The following DPP10 variants were observed in gnomAD, a reference collection of about 807,000 sequenced individuals.
The protein encoded by DPP10 is inactive dipeptidyl peptidase 10.
Under a neutral mutation model 120.9 loss-of-function variants are expected in DPP10, and 33 were observed. The ratio of observed to expected loss-of-function variants is 0.27; its 90% CI spans 0.21 to 0.37. The LOEUF (loss-of-function observed/expected upper bound fraction) is 0.37. Ranked by LOEUF, DPP10 falls within the 10% of genes least tolerant of loss-of-function variation. DPP10 has a pLI of 1.00. For synonymous variants in DPP10, 337 were observed against 326.1 expected, an observed-to-expected ratio of 1.03 and a Z score of -0.36; for missense variants, 816 against 942.8, an observed-to-expected ratio of 0.87 and a Z score of 1.76.
intron 1 of DPP10, among the ~76,000 whole-genome samples, chr2:114,701,124 T>C (rs776133943): frequency 6.6e-6 from 1 of 152,136 alleles, no homozygotes; most frequent in African/African-American, 2.4e-5. Context: ...AATGATGTGA[T>C]CTTCTTTAAT....
intron 2 of DPP10, among the ~76,000 whole-genome samples, chr2:115,339,289 A>T (rs2063321950): frequency 6.6e-6 from 1 of 150,752 alleles, no homozygotes; most frequent in African/African-American, 2.4e-5. Context: ...AAGAATAGCC[A>T]TTTTTTTTTA....
chr2:115,398,058 TTCA>T (rs746395801), intron 3 of DPP10, among the ~76,000 whole-genome samples: 2 of 152,178 alleles, frequency 1.3e-5, no homozygotes, highest in Non-Finnish European at 2.9e-5. Flanking sequence ...CATTAAGATG[TTCA>T]TCACACAAAC....
chr2:115,095,574 G>GTTTTTTTTTTTTTTTTTTTTTTTTT (rs924847937), intron 1 of DPP10, among the ~76,000 whole-genome samples: 1 of 137,720 alleles, frequency 7.3e-6, no homozygotes. Flanking sequence ...ATTCTGTTTG[G>GTTTTTTTTTTTTTTTTTTTTTTTTT]TTTTTTTTTT....
rs1304801321 is a variant in DPP10, at chr2:115,689,729, A to G, written c.484A>G (p.Ile162Val). ...TACTGCTTCATATGTGATTTACAAC[A>G]TACACACTAGGTAAGTTCTTTGATT... ...SYTASYVIYN[I>V]HTREVWELNP... is the part of the protein sequence containing the mutation. Residue 162 changes from isoleucine (I) to valine (V), a missense_variant, in exon 6 of 26, where the codon ATA becomes GTA. Transcript: ENST00000410059. 3 of 1,597,702 alleles carry G rather than the reference A, an allele frequency of 1.9e-6. No homozygotes were observed. Among genetic ancestry groups the G allele is most frequent in the East Asian group, 2.2e-5 (1 of 44,764 alleles).
At chr2:115,725,187 T>C (rs2092735589) in intron 7 of DPP10, among the ~76,000 whole-genome samples, 1 of 152,236 alleles carries the variant, frequency 6.6e-6, no homozygotes, top group African/African-American at 2.4e-5. Context: ...TGATTAAATC[T>C]AAATGCAGCC....
intron 1 of DPP10, among the ~76,000 whole-genome samples, chr2:114,523,481 G>T (rs561129858): frequency 1.6e-4 from 25 of 152,302 alleles, no homozygotes; most frequent in African/African-American, 4.1e-4. Flanking sequence ...GTAGAGCATT[G>T]ATAGCTCTGG....
At chr2:114,736,266 G>C (rs1275517156) in intron 1 of DPP10, among the ~76,000 whole-genome samples, 1 of 151,892 alleles carries the variant, frequency 6.6e-6, no homozygotes, top group Non-Finnish European at 1.5e-5. Flanking sequence ...CCTCCTCCCA[G>C]ATATATGATA....
intron 1 of DPP10, among the ~76,000 whole-genome samples, chr2:115,204,105 G>T (rs2055943620): frequency 7.7e-6 from 1 of 129,878 alleles, no homozygotes. Context: ...TACTTGTGAA[G>T]AAATAGAAAT....
chr2:115,041,204 T>C (rs1306869575), intron 1 of DPP10, among the ~76,000 whole-genome samples: 1 of 151,832 alleles, frequency 6.6e-6, no homozygotes, highest in Non-Finnish European at 1.5e-5. Context: ...CAATCAAATC[T>C]CTTTTCTTTA....
intron 5 of DPP10, among the ~76,000 whole-genome samples, chr2:115,660,655 C>CTTTTTTTTTTTTTTTTTTTGTTTTTT (rs2088853435): frequency 4.0e-5 from 1 of 25,314 alleles, no homozygotes; most frequent in Admixed American, 8.7e-4. Context: ...CTCTGTCTGG[C>CTTTTTTTTTTTTTTTTTTTGTTTTTT]TTTTTTTTTT....
intron 1 of DPP10, among the ~76,000 whole-genome samples, chr2:115,037,374 CCA>C (rs1704298232): frequency 6.6e-6 from 1 of 152,126 alleles, no homozygotes; most frequent in African/African-American, 2.4e-5. Context: ...TCCTTTCTGT[CCA>C]CATTGTTTCA....
At chr2:114,972,377 C>G (rs1699455712) in intron 1 of DPP10, among the ~76,000 whole-genome samples, 1 of 152,188 alleles carries the variant, frequency 6.6e-6, no homozygotes, top group Non-Finnish European at 1.5e-5. Context: ...CACTCTAGCA[C>G]ACAATTGATT....
intron 1 of DPP10, among the ~76,000 whole-genome samples, chr2:114,492,622 A>G (rs1026044186): frequency 1.3e-5 from 2 of 152,188 alleles, no homozygotes; most frequent in Non-Finnish European, 2.9e-5. Flanking sequence ...GCATTTCAAT[A>G]TATTTTTATT....
chr2:115,361,022 G>C (rs2064729124), intron 3 of DPP10, among the ~76,000 whole-genome samples: 1 of 152,146 alleles, frequency 6.6e-6, no homozygotes, highest in African/African-American at 2.4e-5. Flanking sequence ...TGCCCAGCTA[G>C]TTTTGTCCCA....
chr2:115,722,696 A>C (rs1346329353), intron 7 of DPP10, among the ~76,000 whole-genome samples: 1 of 152,128 alleles, frequency 6.6e-6, no homozygotes. Context: ...AATCTCATGG[A>C]CCACCCTTAT....
chr2:114,494,568 A>G (rs970800263), intron 1 of DPP10, among the ~76,000 whole-genome samples: 3 of 152,162 alleles, frequency 2.0e-5, no homozygotes, highest in Non-Finnish European at 4.4e-5. Context: ...GAGAGCATTT[A>G]TTTCTAGTAC....
chr2:114,610,824 G>A (rs921181965), intron 1 of DPP10, among the ~76,000 whole-genome samples: 6 of 152,214 alleles, frequency 3.9e-5, no homozygotes, highest in Middle Eastern at 3.4e-3. Flanking sequence ...AGTCTTGCCA[G>A]CAGCTCAGTC....
intron 1 of DPP10, among the ~76,000 whole-genome samples, chr2:114,629,312 C>T (rs72953557): frequency 0.12 from 18,014 of 152,098 alleles, 1,530 homozygotes; most frequent in African/African-American, 0.24. Context: ...TAATGGCTAA[C>T]TGGGACTTAT....
chr2:115,770,442 T>C lies in DPP10; in HGVS notation c.1221+2038T>C, dbSNP rs1458254422. ...ACAGCCTTCATTGAAGTAGAAAACATTTTTTTTCTATTCTGGTTGCTGTTT... is the reference window on the plus strand; with the variant it reads ...ACAGCCTTCATTGAAGTAGAAAACACTTTTTTTCTATTCTGGTTGCTGTTT... On this transcript the variant is annotated intron_variant, in intron 13 of 25. Transcript: ENST00000410059. Among the ~76,000 whole-genome samples the C allele has an allele frequency of 2.6e-5, 4 of 151,898 alleles. No homozygotes were observed. In the East Asian group the frequency reaches 7.8e-4, roughly 29 times the overall value.
Sources: gnomAD v4.1 joint callset for allele counts (sites outside exome capture counted in the v4.1 genomes callset) on GRCh38, gnomAD v4.1.1 for gene constraint, MANE v1.5 for transcripts, NCBI Gene and HGNC (gene_info 2026-07-23, HGNC 2026-07-21) for gene names.